Variants in CAAP1 observed in about 807,000 individuals in gnomAD.
CAAP1 encodes the protein caspase activity and apoptosis inhibitor 1, also known as conserved anti-apoptotic protein.
A neutral mutation model predicts 34.0 loss-of-function variants in CAAP1; 20 were observed. That is an observed-to-expected ratio of 0.59 (90% CI 0.41 to 0.86). The LOEUF is 0.86. Among genes scored for constraint, CAAP1 ranks in the 40% least tolerant of loss-of-function variants. The pLI, the probability that CAAP1 is intolerant of heterozygous loss-of-function variation, is 0.00. For missense variants in CAAP1, 538 were observed against 450.5 expected, an observed-to-expected ratio of 1.19 and a Z score of -1.76; for synonymous variants, 213 against 166.7, an observed-to-expected ratio of 1.28 and a Z score of -2.14.
At chr9:26,869,662 T>A (rs993136364) in intron 4 of CAAP1, among the ~76,000 whole-genome samples, 5 of 152,214 alleles carry the variant, frequency 3.3e-5, no homozygotes, top group Non-Finnish European at 7.3e-5. Flanking sequence ...TTAACGTGTT[T>A]ACATATTTAA....
intron 4 of CAAP1, among the ~76,000 whole-genome samples, chr9:26,868,801 T>C (rs563588403): frequency 2.1e-4 from 32 of 152,094 alleles, no homozygotes; most frequent in South Asian, 1.5e-3. Flanking sequence ...CAAGAGACAA[T>C]AGGAAGGTGG....
intron 1 of CAAP1, among the ~76,000 whole-genome samples, chr9:26,890,888 T>G (rs978532415): frequency 6.6e-6 from 1 of 151,968 alleles, no homozygotes; most frequent in African/African-American, 2.4e-5. Context: ...GAGCTTGCAG[T>G]GAGCCGGGAT....
chr9:26,890,837 C>A (rs564414365), intron 1 of CAAP1, among the ~76,000 whole-genome samples: 1 of 151,858 alleles, frequency 6.6e-6, no homozygotes, highest in East Asian at 1.9e-4. Flanking sequence ...CCCAGCTACT[C>A]GGGAGGCTGA....
At chr9:26,844,744 T>C (rs972701623) in intron 5 of CAAP1, among the ~76,000 whole-genome samples, 4 of 152,212 alleles carry the variant, frequency 2.6e-5, no homozygotes, top group African/African-American at 7.2e-5. Flanking sequence ...AGATTGGGTA[T>C]TGTCTACAGT....
Position 26,892,688 on chromosome 9 carries a change from T to G in CAAP1, c.28A>C (p.Lys10Gln), listed in dbSNP as rs1158000531. Reference sequence around the variant, plus strand: ...TCCTGACTGCTACGTTTGCGCCGTTTCTCCCGGGAGGACTTTTTCCCCGTC... The same window carrying G: ...TCCTGACTGCTACGTTTGCGCCGTTGCTCCCGGGAGGACTTTTTCCCCGTC... MTGKKSSRE[K>Q]RRKRSSQEAA... The change falls in exon 1 of 6, where the codon AAA becomes CAA. Residue 10 changes from lysine (K) to glutamine (Q), a missense_variant. Lys to Gln is a moderately conservative substitution (Grantham distance 53, BLOSUM62 1). Transcript: ENST00000333916. The G allele has an allele frequency of 3.7e-6, 6 of 1,602,700 alleles. No individual in the cohort carries two copies. Among genetic ancestry groups the G allele is most frequent in the Non-Finnish European group, 4.2e-6 (5 of 1,177,712 alleles).
intron 4 of CAAP1, among the ~76,000 whole-genome samples, chr9:26,867,510 A>G (rs1789270540): frequency 1.3e-5 from 2 of 152,196 alleles, no homozygotes; most frequent in African/African-American, 4.8e-5. Context: ...GATTCTAGGG[A>G]TTAAGATGTG....
At chr9:26,867,926 AG>A (rs1360546955) in intron 4 of CAAP1, among the ~76,000 whole-genome samples, 8 of 152,204 alleles carry the variant, frequency 5.3e-5, no homozygotes, top group Admixed American at 5.2e-4. Context: ...GACACAAAAA[AG>A]TTTTAGAAGT....
chr9:26,891,755 TAA>T (rs1823907681), intron 1 of CAAP1, among the ~76,000 whole-genome samples: 3 of 152,190 alleles, frequency 2.0e-5, no homozygotes, highest in African/African-American at 7.2e-5. Flanking sequence ...GAGGAGTGAT[TAA>T]AAGAGGCCGC....
intron 4 of CAAP1, among the ~76,000 whole-genome samples, chr9:26,862,646 G>GTC (rs899852885): frequency 4.6e-5 from 7 of 152,146 alleles, no homozygotes; most frequent in African/African-American, 1.7e-4. Flanking sequence ...TCTACTCCAG[G>GTC]TTAAAGGGTT....
intron 1 of CAAP1, among the ~76,000 whole-genome samples, chr9:26,891,490 G>C (rs955722337): frequency 2.0e-5 from 3 of 152,020 alleles, no homozygotes; most frequent in South Asian, 2.1e-4. Context: ...CTTTGACCCA[G>C]GAATTTCAGT....
At chr9:26,865,493 C>T (rs1823114280) in intron 4 of CAAP1, among the ~76,000 whole-genome samples, 1 of 151,400 alleles carries the variant, frequency 6.6e-6, no homozygotes, top group South Asian at 2.1e-4. Context: ...CATTGCACTC[C>T]AGCCTGGGCA....
chr9:26,867,932 AG>A (rs1733404878), intron 4 of CAAP1, among the ~76,000 whole-genome samples: 1 of 152,226 alleles, frequency 6.6e-6, no homozygotes, highest in South Asian at 2.1e-4. Context: ...AAAAAGTTTT[AG>A]AAGTATGGTA....
chr9:26,880,645 A>G (rs1823569548), intron 4 of CAAP1: 1 of 152,604 alleles, frequency 6.6e-6, no homozygotes, highest in Non-Finnish European at 1.5e-5. Context: ...GTGGGTCAGC[A>G]GTACAGCAGA....
chr9:26,848,617 T>C (rs1260265163), intron 5 of CAAP1, among the ~76,000 whole-genome samples: 1 of 152,242 alleles, frequency 6.6e-6, no homozygotes, highest in Non-Finnish European at 1.5e-5. Flanking sequence ...TGTTTACTTT[T>C]ATCTAATTTA....
chr9:26,868,757 C>G (rs1385354666), intron 4 of CAAP1, among the ~76,000 whole-genome samples: 5 of 152,144 alleles, frequency 3.3e-5, no homozygotes, highest in Admixed American at 3.3e-4. Context: ...TACCTACTTT[C>G]TTCAACACGT....
chr9:26,880,309 A>G, intron 4 of CAAP1: 1 of 342,704 alleles, frequency 2.9e-6, no homozygotes. Flanking sequence ...CACTGGTCTG[A>G]TTTGAAGTCC....
At chr9:26,862,252 C>G (rs907064602) in intron 4 of CAAP1, among the ~76,000 whole-genome samples, 1 of 152,116 alleles carries the variant, frequency 6.6e-6, no homozygotes, top group Non-Finnish European at 1.5e-5. Context: ...AAGAGCTTTG[C>G]AAGGTTTAAA....
intron 5 of CAAP1, among the ~76,000 whole-genome samples, chr9:26,848,683 T>A (rs545845803): frequency 1.3e-5 from 2 of 152,130 alleles, no homozygotes; most frequent in Non-Finnish European, 2.9e-5. Context: ...ATAAAAACAG[T>A]GGTATTACAT....
Position 26,885,941 on chromosome 9 carries a change from T to C in CAAP1, c.589+163A>G, listed in dbSNP as rs139891090. 2.3e-3 allele frequency among the ~76,000 whole-genome samples: 349 copies of C among 152,300 alleles called. 1 individual carries two copies. The highest frequency in any genetic ancestry group is 8.1e-3 in the African/African-American group (338 of 41,572). On this transcript the variant is annotated intron_variant, in intron 3 of 5. Transcript: ENST00000333916. ...GTCTATTCTTGAAACGCTTTTCTGA[T>C]ATGTAAACTATATTTTTTAGTGCAA...
Sources: allele counts gnomAD v4.1 joint callset (sites outside exome capture counted in the v4.1 genomes callset), GRCh38; gene constraint gnomAD v4.1.1; transcripts MANE v1.5; gene names NCBI Gene and HGNC (gene_info 2026-07-23, HGNC 2026-07-21).